The following MGST1 variants were observed in gnomAD, a reference collection of about 807,000 sequenced individuals.
MGST1 encodes glutathione S-transferase 12.
In MGST1, 5 loss-of-function variants were observed where a neutral mutation model predicts 8.9. That is an observed-to-expected ratio of 0.56 (90% CI 0.29 to 1.19). The LOEUF is 1.19. MGST1 is among the 50% of genes most tolerant of loss of function. MGST1 has a pLI of 0.08. For missense variants in MGST1, 182 were observed against 187.4 expected, an observed-to-expected ratio of 0.97 and a Z score of 0.17; for synonymous variants, 54 against 67.8, an observed-to-expected ratio of 0.80 and a Z score of 1.00.
At chr12:16,365,743 G>A (rs201565663), downstream of MGST1, among the ~76,000 whole-genome samples, 12,352 of 100,380 alleles carry the variant, frequency 0.12, 579 homozygotes, top group East Asian at 0.49. Flanking sequence ...GCGTGCACGC[G>A]CACACACACA....
chr12:16,431,289 G>A (rs1363576016), intron 1 of MGST1, among the ~76,000 whole-genome samples: 2 of 152,148 alleles, frequency 1.3e-5, no homozygotes, highest in Non-Finnish European at 2.9e-5. Context: ...TATCATTCAT[G>A]TGTTGACTGG....
At chr12:16,365,534 A>T (rs1038250771), downstream of MGST1, among the ~76,000 whole-genome samples, 7 of 152,228 alleles carry the variant, frequency 4.6e-5, no homozygotes, top group Non-Finnish European at 1.5e-5. Context: ...GTCCATAAAC[A>T]AAACCTATTA....
At chr12:16,353,757 CTTTTT>C (rs11387725) in intron 1 of MGST1, among the ~76,000 whole-genome samples, 4 of 111,466 alleles carry the variant, frequency 3.6e-5, no homozygotes, top group Admixed American at 9.9e-5. Context: ...ATATTGCATA[CTTTTT>C]TTTTTTTTTT....
At chr12:16,432,715 C>CAT (rs1292687887) in intron 1 of MGST1, among the ~76,000 whole-genome samples, 1 of 145,178 alleles carries the variant, frequency 6.9e-6, no homozygotes, top group Non-Finnish European at 1.5e-5. Context: ...CACACACACA[C>CAT]ACACACACAC....
chr12:16,543,640 AAT>A (rs2137215815), intron 4 of MGST1, among the ~76,000 whole-genome samples: 1 of 152,100 alleles, frequency 6.6e-6, no homozygotes, highest in South Asian at 2.1e-4. Context: ...TCTGCAATAA[AAT>A]GCTGTAAAGT....
intron 1 of MGST1, among the ~76,000 whole-genome samples, chr12:16,406,461 C>A (rs146624963): frequency 6.6e-6 from 1 of 152,270 alleles, no homozygotes; most frequent in East Asian, 1.9e-4. Context: ...TAGGAAGAAT[C>A]AATATCATTA....
chr12:16,450,001 T>A (rs1941116316), intron 4 of MGST1, among the ~76,000 whole-genome samples: 1 of 151,902 alleles, frequency 6.6e-6, no homozygotes, highest in Admixed American at 6.6e-5. Flanking sequence ...TTAACAGTAA[T>A]GCAGTCAAGA....
chr12:16,378,815 T>G (rs1365263911), downstream of MGST1, among the ~76,000 whole-genome samples: 1 of 151,982 alleles, frequency 6.6e-6, no homozygotes, highest in Non-Finnish European at 1.5e-5. Flanking sequence ...TCTCCTCTTT[T>G]ATTTCATTGA....
At chr12:16,515,693 C>T (rs1012502183) in intron 4 of MGST1, among the ~76,000 whole-genome samples, 3 of 152,008 alleles carry the variant, frequency 2.0e-5, no homozygotes, top group Non-Finnish European at 2.9e-5. Flanking sequence ...ATCTCATACC[C>T]TCACCCTTCT....
intron 1 of MGST1, among the ~76,000 whole-genome samples, chr12:16,387,262 G>T (rs1043896395): frequency 6.6e-6 from 1 of 152,028 alleles, no homozygotes; most frequent in Non-Finnish European, 1.5e-5. Context: ...GCATATATAT[G>T]GCTGTGGACC....
intron 4 of MGST1, among the ~76,000 whole-genome samples, chr12:16,444,182 G>GTTTTTTTTTTTTTTTTTTTTTT (rs1410059091): frequency 1.5e-5 from 2 of 135,050 alleles, no homozygotes. Context: ...TGGCTGATTT[G>GTTTTTTTTTTTTTTTTTTTTTT]GTTTTTTTTT....
downstream of MGST1, among the ~76,000 whole-genome samples, chr12:16,442,073 A>T (rs888212582): frequency 1.3e-5 from 2 of 151,712 alleles, no homozygotes; most frequent in African/African-American, 4.8e-5. This position sits in a 1 kb window ranked among gnomAD's most constrained non-coding sequence, Gnocchi z 4.5. Flanking sequence ...CATAATATGG[A>T]GCGTCTTTTC....
intron 4 of MGST1, among the ~76,000 whole-genome samples, chr12:16,474,759 A>G (rs1021487770): frequency 6.6e-6 from 1 of 152,216 alleles, no homozygotes; most frequent in Non-Finnish European, 1.5e-5. Context: ...TGATAATAAA[A>G]TCCAAATTCA....
intron 4 of MGST1, among the ~76,000 whole-genome samples, chr12:16,557,871 C>T (rs16912020): frequency 0.3 from 45,586 of 151,812 alleles, 6,962 homozygotes; most frequent in African/African-American, 0.34. Flanking sequence ...GTGCTGAAAT[C>T]TGAATCTCTT....
intron 1 of MGST1, chr12:16,399,385 T>A (rs755686320): frequency 8.6e-5 from 130 of 1,520,276 alleles, no homozygotes; most frequent in Non-Finnish European, 1.2e-4. Flanking sequence ...TTCTGGCTCA[T>A]ACTTCGACTT....
At chr12:16,360,267 G>A (rs199821627) in intron 3 of MGST1, 82 of 717,762 alleles carry the variant, frequency 1.1e-4, no homozygotes, top group Non-Finnish European at 1.4e-4. Context: ...TTTTAAGTTA[G>A]ACTTTTTTTT....
chr12:16,425,144 C>G (rs1220822980), intron 1 of MGST1, among the ~76,000 whole-genome samples: 1 of 152,064 alleles, frequency 6.6e-6, no homozygotes, highest in African/African-American at 2.4e-5. Context: ...CAATTATGGT[C>G]TTTGAGTTAA....
intron 1 of MGST1, among the ~76,000 whole-genome samples, chr12:16,393,167 C>A (rs1260700715): frequency 1.3e-5 from 2 of 152,186 alleles, no homozygotes; most frequent in Non-Finnish European, 2.9e-5. Context: ...AGAGCCCCTG[C>A]CAGGCCTTTG....
intron 4 of MGST1, among the ~76,000 whole-genome samples, chr12:16,566,605 A>G (rs1942620426): frequency 1.3e-5 from 2 of 152,038 alleles, no homozygotes; most frequent in Admixed American, 1.3e-4. Context: ...AAGAAAAGAC[A>G]TTTTCTATTT....
Sources: gnomAD v4.1 joint callset for allele counts (sites outside exome capture counted in the v4.1 genomes callset) on GRCh38, gnomAD v4.1.1 for gene constraint, Gnocchi (gnomAD v3.1) non-coding constraint, MANE v1.5 for transcripts, NCBI Gene and HGNC (gene_info 2026-07-23, HGNC 2026-07-21) for gene names.